The following DLG2 variants were observed in gnomAD, a reference collection of about 807,000 sequenced individuals.
DLG2 encodes the protein disks large homolog 2.
Under a neutral mutation model 132.5 loss-of-function variants are expected in DLG2, and 45 were observed. The ratio of observed to expected loss-of-function variants is 0.34; its 90% CI spans 0.27 to 0.44. The LOEUF is 0.44. Among genes scored for constraint, DLG2 ranks in the 20% least tolerant of loss-of-function variants. DLG2 has a pLI of 1.00. For missense variants in DLG2, 1,045 were observed against 1,196.9 expected (o/e 0.87, Z 1.87); for synonymous variants, 424 against 419.6 (o/e 1.01, Z -0.13).
chr11:84,386,008 A>G (rs1008139877), intron 7 of DLG2, among the ~76,000 whole-genome samples: 10 of 152,124 alleles, frequency 6.6e-5, no homozygotes, highest in Admixed American at 6.6e-4. Context: ...ACAAGAGGTA[A>G]TAAGCGAAGG....
intron 2 of DLG2, among the ~76,000 whole-genome samples, chr11:85,617,099 G>A (rs905179205): frequency 6.6e-5 from 10 of 152,176 alleles, no homozygotes; most frequent in Non-Finnish European, 1.3e-4. Context: ...GTGAATTACA[G>A]AAAATAAATG....
chr11:85,537,809 C>T (rs1019797886), intron 3 of DLG2, among the ~76,000 whole-genome samples: 3 of 151,936 alleles, frequency 2.0e-5, no homozygotes, highest in African/African-American at 7.3e-5. Context: ...ACTGCGGACA[C>T]ATCATCTTTA....
chr11:84,527,984 A>C (rs1006019085), intron 7 of DLG2, among the ~76,000 whole-genome samples: 3 of 150,164 alleles, frequency 2.0e-5, no homozygotes, highest in African/African-American at 7.3e-5. Flanking sequence ...TGGGCCCCAT[A>C]GTTTTAAGTT....
At chr11:83,794,433 A>G (rs1215249465) in intron 17 of DLG2, among the ~76,000 whole-genome samples, 2 of 80,452 alleles carry the variant, frequency 2.5e-5, no homozygotes, top group Non-Finnish European at 4.7e-5. Context: ...TATATTTACT[A>G]TTGGTTTTTT....
At chr11:83,584,587 A>G (rs2097048992) in intron 19 of DLG2, among the ~76,000 whole-genome samples, 1 of 152,246 alleles carries the variant, frequency 6.6e-6, no homozygotes, top group South Asian at 2.1e-4. Context: ...GTGATGAATA[A>G]TAGAGTGTCA....
At chr11:85,320,778 G>T (rs187802143) in intron 3 of DLG2, among the ~76,000 whole-genome samples, 1 of 151,812 alleles carries the variant, frequency 6.6e-6, no homozygotes, top group Non-Finnish European at 1.5e-5. Context: ...CTTAAGTCAG[G>T]AATGTACTAT....
chr11:84,637,013 C>T lies in DLG2; in HGVS notation c.358-102282G>A, dbSNP rs529611384. On this transcript the variant is annotated intron_variant, in intron 6 of 27. Coordinates refer to ENST00000376104, the MANE Select transcript of DLG2 (RefSeq NM_001142699.3). ...ATGTTGGCCAGGCTGGTCTTGAACTCCTGACCTCAGATGATCTGCCCATGT... is the reference window on the plus strand; with the variant it reads ...ATGTTGGCCAGGCTGGTCTTGAACTTCTGACCTCAGATGATCTGCCCATGT... Among the ~76,000 whole-genome samples the T allele has an allele frequency of 2.0e-5, 3 of 151,988 alleles. No individual in the cohort carries two copies. In the East Asian group the frequency reaches 5.8e-4, roughly 30 times the overall value.
chr11:84,660,929 G>A (rs1286394821), intron 6 of DLG2, among the ~76,000 whole-genome samples: 1 of 152,094 alleles, frequency 6.6e-6, no homozygotes, highest in Non-Finnish European at 1.5e-5. Flanking sequence ...CTGGCCTGAA[G>A]GACTCAACTT....
At chr11:84,710,846 A>T (rs981708795) in intron 6 of DLG2, among the ~76,000 whole-genome samples, 3 of 151,294 alleles carry the variant, frequency 2.0e-5, no homozygotes, top group African/African-American at 7.3e-5. Context: ...CAAAAATATT[A>T]CCTTATTTAT....
chr11:83,988,662 T>C (rs541979879), intron 11 of DLG2, among the ~76,000 whole-genome samples: 17 of 151,998 alleles, frequency 1.1e-4, no homozygotes, highest in Non-Finnish European at 2.2e-4. Context: ...TTGATATTTC[T>C]AGAGTACTCC....
intron 6 of DLG2, 131 bp from the exon 7 acceptor site, chr11:84,534,862 T>A: frequency 1.9e-6 from 2 of 1,064,652 alleles, no homozygotes; most frequent in Non-Finnish European, 1.4e-6. Flanking sequence ...CAAATGGGCT[T>A]TGCTGCAGAC....
chr11:84,214,220 TAC>T (rs1425646736), intron 8 of DLG2, among the ~76,000 whole-genome samples: 10 of 137,748 alleles, frequency 7.3e-5, no homozygotes, highest in South Asian at 4.2e-4. Context: ...TATATATGAA[TAC>T]ATATATACAT....
chr11:83,819,196 G>A (rs1419628206), intron 17 of DLG2, among the ~76,000 whole-genome samples: 3 of 152,074 alleles, frequency 2.0e-5, no homozygotes, highest in African/African-American at 7.2e-5. Flanking sequence ...TAGGCCAGGT[G>A]TAGTGGCTCA....
At chr11:84,818,496 T>C (rs956364383) in intron 6 of DLG2, among the ~76,000 whole-genome samples, 5 of 151,654 alleles carry the variant, frequency 3.3e-5, no homozygotes, top group African/African-American at 1.2e-4. Flanking sequence ...CTCCAATAAA[T>C]ATTTCTTACA....
intron 6 of DLG2, among the ~76,000 whole-genome samples, chr11:84,699,947 A>G (rs747922129): frequency 5.9e-5 from 9 of 151,614 alleles, no homozygotes; most frequent in Non-Finnish European, 1.2e-4. Flanking sequence ...GCAGTAAGAC[A>G]TGAAGAAAAT....
intron 6 of DLG2, among the ~76,000 whole-genome samples, chr11:84,891,557 G>T (rs896025851): frequency 3.3e-5 from 5 of 152,008 alleles, no homozygotes; most frequent in Admixed American, 2.6e-4. Context: ...CAGGATAACA[G>T]TAATTTTTTC....
intron 2 of DLG2, among the ~76,000 whole-genome samples, chr11:85,616,149 T>C (rs1337061717): frequency 6.6e-6 from 1 of 152,182 alleles, no homozygotes; most frequent in Non-Finnish European, 1.5e-5. Flanking sequence ...TACTGCACTA[T>C]GATGCCATTC....
chr11:84,715,986 C>T (rs1175493457), intron 6 of DLG2, among the ~76,000 whole-genome samples: 1 of 152,068 alleles, frequency 6.6e-6, no homozygotes, highest in Non-Finnish European at 1.5e-5. Context: ...GAAACCTTCA[C>T]ACTGTTTTCC....
At chr11:84,038,532 T>A (rs2095944198) in intron 11 of DLG2, among the ~76,000 whole-genome samples, 1 of 152,086 alleles carries the variant, frequency 6.6e-6, no homozygotes, top group Non-Finnish European at 1.5e-5. Flanking sequence ...TAATGTAATA[T>A]ATGTACATGG....
Sources: gnomAD v4.1 joint callset for allele counts (sites outside exome capture counted in the v4.1 genomes callset) on GRCh38, gnomAD v4.1.1 for gene constraint, MANE v1.5 for transcripts, NCBI Gene and HGNC (gene_info 2026-07-23, HGNC 2026-07-21) for gene names.